The following MOCOS variants were observed in gnomAD, a reference collection of about 807,000 sequenced individuals.
MOCOS encodes human molybdenum cofactor sulfurase.
MOCOS carries 86 observed loss-of-function variants against 83.6 expected under a neutral mutation model. The observed-to-expected ratio is 1.03, with a 90% CI of 0.86 to 1.23. MOCOS has a LOEUF of 1.23. Among genes scored for constraint, MOCOS ranks in the 50% most tolerant of loss-of-function variants. MOCOS has a pLI of 0.00. For missense variants in MOCOS, 1,120 were observed against 1,126.9 expected, an observed-to-expected ratio of 0.99 and a Z score of 0.09; for synonymous variants, 445 against 434.7, an observed-to-expected ratio of 1.02 and a Z score of -0.29.
intron 12 of MOCOS, among the ~76,000 whole-genome samples, chr18:36,259,448 C>CAAAAAA (rs397858504): frequency 1.2e-3 from 111 of 92,318 alleles, no homozygotes; most frequent in East Asian, 4.5e-3. Context: ...GACCTTGTCT[C>CAAAAAA]AAAAAAAAAA....
chr18:36,248,994 C>T lies in MOCOS; in HGVS notation c.2033C>T (p.Ala678Val). ...CAGATTCGCCAAAGCAGGGTCTGTGCTGACAGGTGAGACTCTGAAGCACGT... is the reference window on the plus strand; with the variant it reads ...CAGATTCGCCAAAGCAGGGTCTGTGTTGACAGGTGAGACTCTGAAGCACGT... ...RTQIRQSRVC[A>V]DRVSTYDCGE... The change falls in exon 10 of 15, where the codon GCT becomes GTT. Residue 678 changes from alanine (A) to valine (V), a missense_variant. Transcript: ENST00000261326. The T allele has an allele frequency of 1.2e-6, 2 of 1,613,996 alleles. No individual in the cohort carries two copies. Among genetic ancestry groups the T allele is most frequent in the South Asian group, 1.1e-5 (1 of 91,066 alleles).
At chr18:36,194,649 C>G (rs1308251056) in intron 1 of MOCOS, among the ~76,000 whole-genome samples, 1 of 152,184 alleles carries the variant, frequency 6.6e-6, no homozygotes, top group Non-Finnish European at 1.5e-5. Flanking sequence ...TACCTGTGTA[C>G]CCTCCTACCA....
At chr18:36,230,697 A>G (rs1002105742) in intron 9 of MOCOS, among the ~76,000 whole-genome samples, 2 of 152,130 alleles carry the variant, frequency 1.3e-5, no homozygotes, top group African/African-American at 4.8e-5. Context: ...CTAGACACAC[A>G]AACCAGCCCC....
Position 36,187,633 on chromosome 18 carries a change from C to T in MOCOS, c.94C>T (p.Pro32Ser), listed in dbSNP as rs1299520009. ...ACCGCGGCTAGCCTACGGCTACGGC[C>T]CGGGCAGCCTGCGCGAGCTGCGGGC... is the stretch of plus-strand genomic sequence containing the variant. ...SAPRLAYGYG[P>S]GSLRELRARE... The change falls in exon 1 of 15, where the codon CCG becomes TCG. Residue 32 changes from proline to serine, a missense_variant. Physicochemically the swap from Pro to Ser is moderately conservative, Grantham distance 74 (BLOSUM62 -1). Transcript: ENST00000261326. 3 of 1,250,770 alleles carry T rather than the reference C, an allele frequency of 2.4e-6. No individual in the cohort carries two copies. The highest frequency in any genetic ancestry group is 3.1e-5 in the East Asian group (1 of 32,540). The allele number at this position is 1,250,770 out of a possible 1,614,324, so 77.5% of individuals were successfully genotyped here.
At chr18:36,214,604 G>A (rs1422862003) in intron 7 of MOCOS, among the ~76,000 whole-genome samples, 1 of 152,104 alleles carries the variant, frequency 6.6e-6, no homozygotes, top group African/African-American at 2.4e-5. Flanking sequence ...GTGGCAAAGA[G>A]TGTTTATTGA....
At chr18:36,216,430 C>T (rs1158924735) in intron 8 of MOCOS, among the ~76,000 whole-genome samples, 1 of 152,160 alleles carries the variant, frequency 6.6e-6, no homozygotes, top group Non-Finnish European at 1.5e-5. Flanking sequence ...CTTGAAGGAG[C>T]TCCCGTTGGC....
chr18:36,237,918 G>A (rs972770063), intron 9 of MOCOS, among the ~76,000 whole-genome samples: 52 of 151,334 alleles, frequency 3.4e-4, no homozygotes, highest in African/African-American at 1.1e-3. Flanking sequence ...GTTTATTTGC[G>A]TAGAGGTGTT....
At chr18:36,226,203 G>C (rs989026592) in intron 9 of MOCOS, among the ~76,000 whole-genome samples, 9 of 152,162 alleles carry the variant, frequency 5.9e-5, no homozygotes, top group African/African-American at 1.9e-4. Flanking sequence ...GTGCTCTGAT[G>C]TTGGGTGCAT....
At chr18:36,266,931 CAG>C (rs2091683961) in intron 14 of MOCOS, 78 bp downstream of exon 14, 1 of 1,226,004 alleles carries the variant, frequency 8.2e-7, no homozygotes. Context: ...CATAATAGCA[CAG>C]AGTTATTTTT....
chr18:36,190,430 G>A (rs559656996), intron 1 of MOCOS, among the ~76,000 whole-genome samples: 19 of 152,128 alleles, frequency 1.2e-4, no homozygotes, highest in African/African-American at 1.4e-4. Flanking sequence ...GTGAGGGTGC[G>A]TTCTCACAAG....
intron 4 of MOCOS, among the ~76,000 whole-genome samples, chr18:36,200,828 G>A (rs1179179590): frequency 1.3e-5 from 2 of 152,216 alleles, no homozygotes; most frequent in African/African-American, 4.8e-5. Context: ...AGTTAAAGCA[G>A]AGGCCCCCAG....
intron 13 of MOCOS, 33 bp downstream of exon 13, chr18:36,260,208 C>T (rs750845805): frequency 9.3e-6 from 15 of 1,613,612 alleles, no homozygotes; most frequent in Non-Finnish European, 1.2e-5. Context: ...ATCCTTCCTC[C>T]AGGGTTGTCA....
chr18:36,232,805 G>A (rs535198807), intron 9 of MOCOS, among the ~76,000 whole-genome samples: 27 of 150,712 alleles, frequency 1.8e-4, no homozygotes, highest in Non-Finnish European at 3.8e-4. Context: ...CATCCATGTT[G>A]CTGCAAATAA....
At chr18:36,238,847 G>GTTAGCTC (rs1339924400) in intron 9 of MOCOS, among the ~76,000 whole-genome samples, 1 of 135,278 alleles carries the variant, frequency 7.4e-6, no homozygotes, top group African/African-American at 2.7e-5. Flanking sequence ...ATTTAGGATA[G>GTTAGCTC]TTAGCTCTTC....
At chr18:36,246,954 G>A (rs942678212) in intron 9 of MOCOS, among the ~76,000 whole-genome samples, 5 of 152,004 alleles carry the variant, frequency 3.3e-5, no homozygotes, top group African/African-American at 1.2e-4. Flanking sequence ...GGCTATCAGG[G>A]CAAGTAGAGA....
chr18:36,215,259 G>C (rs1472120757), intron 7 of MOCOS, among the ~76,000 whole-genome samples: 2 of 152,130 alleles, frequency 1.3e-5, no homozygotes, highest in African/African-American at 4.8e-5. Context: ...TTTCCATGAA[G>C]TATTTCTATT....
intron 6 of MOCOS, among the ~76,000 whole-genome samples, chr18:36,212,131 C>T (rs1342946214): frequency 2.0e-5 from 3 of 152,202 alleles, no homozygotes; most frequent in Non-Finnish European, 4.4e-5. Flanking sequence ...ATCCCAACCC[C>T]CAGATGCCAA....
At chr18:36,192,166 A>T (rs969180678) in intron 1 of MOCOS, among the ~76,000 whole-genome samples, 8 of 152,212 alleles carry the variant, frequency 5.3e-5, no homozygotes, top group African/African-American at 1.9e-4. Flanking sequence ...AAGAAGTAAA[A>T]CTATCTCTAC....
intron 9 of MOCOS, among the ~76,000 whole-genome samples, chr18:36,222,274 A>G (rs1473132424): frequency 6.6e-6 from 1 of 152,180 alleles, no homozygotes; most frequent in East Asian, 1.9e-4. Context: ...GGATCATTTG[A>G]TAGTTTTATT....
Sources: allele counts gnomAD v4.1 joint callset (sites outside exome capture counted in the v4.1 genomes callset), GRCh38; gene constraint gnomAD v4.1.1; transcripts MANE v1.5; gene names NCBI Gene and HGNC (gene_info 2026-07-23, HGNC 2026-07-21).